Variants in GAREM1 observed in about 807,000 individuals in gnomAD.
GAREM1 encodes the protein GRB2-associated and regulator of MAPK protein 1.
A neutral mutation model predicts 71.3 loss-of-function variants in GAREM1; 26 were observed. That is an observed-to-expected ratio of 0.36 (90% CI 0.27 to 0.51). The LOEUF (loss-of-function observed/expected upper bound fraction) is 0.51. Among genes scored for constraint, GAREM1 ranks in the 20% least tolerant of loss-of-function variants. The pLI, the probability that GAREM1 is intolerant of heterozygous loss-of-function variation, is 0.95. For missense variants in GAREM1, 1,026 were observed against 1,103.1 expected (o/e 0.93, Z 0.99); for synonymous variants, 440 against 433.2 (o/e 1.02, Z -0.20).
At chr18:32,356,538 T>C (rs2047807515) in intron 2 of GAREM1, among the ~76,000 whole-genome samples, 1 of 152,220 alleles carries the variant, frequency 6.6e-6, no homozygotes, top group South Asian at 2.1e-4. Context: ...TTTAATGTCC[T>C]AAATACATAA....
Position 32,330,672 on chromosome 18 carries a change from G to C in GAREM1, c.263-20349C>G, listed in dbSNP as rs1258026329. Among the ~76,000 whole-genome samples, 6 of 127,366 alleles carry C rather than the reference G, an allele frequency of 4.7e-5. No homozygotes were observed. The Admixed American group carries it at 4.9e-4, about 10-fold the overall frequency. The allele number at this position is 127,366 out of a possible 152,430, so 83.6% of individuals were successfully genotyped here. On this transcript the variant is annotated intron_variant, in intron 2 of 5. Transcript: ENST00000269209. ...AGAAAAACAGAGCCAAAGAAAAAAGGCACAATAAATACATTTAAATGGGAG... is the reference window on the plus strand; with the variant it reads ...AGAAAAACAGAGCCAAAGAAAAAAGCCACAATAAATACATTTAAATGGGAG...
At chr18:32,322,112 T>A (rs1378147122) in intron 2 of GAREM1, among the ~76,000 whole-genome samples, 1 of 152,180 alleles carries the variant, frequency 6.6e-6, no homozygotes, top group Non-Finnish European at 1.5e-5. Context: ...GTGATTTTTT[T>A]AAGGGAGGAA....
At position 32,287,470 on chromosome 18, in the gene GAREM1, C is replaced by T. The variant is rs1464040325; in HGVS notation, c.1127G>A (p.Arg376His). The T allele has an allele frequency of 6.2e-6, 10 of 1,614,196 alleles. No homozygotes were observed. Among genetic ancestry groups the T allele is most frequent in the Middle Eastern group, 1.6e-4 (1 of 6,062 alleles). Residue 376 changes from arginine to histidine, a missense_variant, in exon 4 of 6, where the codon CGC becomes CAC. Transcript: ENST00000269209. The surrounding 1 kb of genome is among the most constrained non-coding windows in gnomAD (Gnocchi z 5.9). ...GTGGAAGGACTGGGTGAGCTCATCGCGGGCGTAGCTGAGCGAATTGGGCAC... is the reference window on the plus strand; with the variant it reads ...GTGGAAGGACTGGGTGAGCTCATCGTGGGCGTAGCTGAGCGAATTGGGCAC... Reference protein sequence around the residue: ...NHVPNSLSYARDELTQSFHRL... With the variant: ...NHVPNSLSYAHDELTQSFHRL...
At chr18:32,442,688 C>T (rs2048750117) in intron 1 of GAREM1, among the ~76,000 whole-genome samples, 1 of 152,100 alleles carries the variant, frequency 6.6e-6, no homozygotes, top group African/African-American at 2.4e-5. Flanking sequence ...TCCCAAGTCA[C>T]CTGCATGTCT....
intron 2 of GAREM1, among the ~76,000 whole-genome samples, chr18:32,328,764 C>T (rs1464245374): frequency 1.3e-5 from 2 of 152,070 alleles, no homozygotes; most frequent in Non-Finnish European, 2.9e-5. Flanking sequence ...CACTTAGGGG[C>T]AGGGAAGGAC....
chr18:32,408,626 A>C (rs2048387506), intron 1 of GAREM1, among the ~76,000 whole-genome samples: 1 of 152,146 alleles, frequency 6.6e-6, no homozygotes, highest in Non-Finnish European at 1.5e-5. Context: ...TATCCATTTG[A>C]CCATTGTTAA....
At chr18:32,431,666 C>T (rs1240337388) in intron 1 of GAREM1, among the ~76,000 whole-genome samples, 4 of 152,050 alleles carry the variant, frequency 2.6e-5, no homozygotes, top group Admixed American at 2.6e-4. Flanking sequence ...TGGCTAAAAA[C>T]TCTAGAAATC....
At position 32,266,688 on chromosome 18, in the gene GAREM1, T is replaced by G. The variant is rs754610777; in HGVS notation, c.*1183A>C. 9.2e-5 allele frequency: 14 copies of G among 152,182 alleles called. No individual in the cohort carries two copies. Among genetic ancestry groups the G allele is most frequent in the Non-Finnish European group, 1.9e-4 (13 of 68,034 alleles). 9.4% of individuals were successfully genotyped at this position (152,182 alleles called of 1,614,324 possible). The stretch of plus-strand genomic sequence containing the variant: ...TGGTATTTTAAAAATACTCAACAGA[T>G]GTAGCATATATAATAATAAAGGCCG... On this transcript the variant is annotated 3_prime_UTR_variant, in exon 6 of 6. Coordinates refer to ENST00000269209, the MANE Select transcript of GAREM1 (RefSeq NM_001242409.2).
chr18:32,443,962 CT>C (rs2048764655), intron 1 of GAREM1, among the ~76,000 whole-genome samples: 1 of 152,136 alleles, frequency 6.6e-6, no homozygotes, highest in Non-Finnish European at 1.5e-5. Context: ...TGGAAACATC[CT>C]ACGACATGAT....
At chr18:32,326,279 T>A (rs1231978713) in intron 2 of GAREM1, among the ~76,000 whole-genome samples, 1 of 152,216 alleles carries the variant, frequency 6.6e-6, no homozygotes, top group East Asian at 1.9e-4. Context: ...ACAAGCTACC[T>A]ACTAAACTCT....
intron 1 of GAREM1, among the ~76,000 whole-genome samples, chr18:32,461,360 C>T (rs1047801242): frequency 6.6e-6 from 1 of 152,100 alleles, no homozygotes; most frequent in South Asian, 2.1e-4. Context: ...AGTAGGGGTA[C>T]AGCAGGGTGG....
chr18:32,317,880 A>C (rs562988735), intron 2 of GAREM1, among the ~76,000 whole-genome samples: 4 of 152,152 alleles, frequency 2.6e-5, no homozygotes, highest in African/African-American at 9.7e-5. Context: ...AAGTGAAATC[A>C]ATTTACATGA....
At chr18:32,285,908 G>A (rs1294586414) in intron 4 of GAREM1, among the ~76,000 whole-genome samples, 1 of 152,132 alleles carries the variant, frequency 6.6e-6, no homozygotes, top group Non-Finnish European at 1.5e-5. Flanking sequence ...ACCCGGTAGG[G>A]GCAAAGAGTG....
rs2047303236 is a variant in GAREM1, at chr18:32,310,187, T to G, written c.393+6A>C. On this transcript the variant is annotated splice_donor_region_variant and intron_variant, in intron 3 of 5. Transcript: ENST00000269209. Reference sequence around the variant, plus strand: ...TATAAATATTTGGTGCTTCAAGAGCTACTACCTTCACGTTGAATGTGATAT... The same window carrying G: ...TATAAATATTTGGTGCTTCAAGAGCGACTACCTTCACGTTGAATGTGATAT... 6.2e-7 allele frequency: 1 copy of G among 1,613,700 alleles called. No homozygotes were observed. Among genetic ancestry groups the G allele is most frequent in the African/African-American group, 1.3e-5 (1 of 74,928 alleles).
intron 1 of GAREM1, among the ~76,000 whole-genome samples, chr18:32,438,365 T>G (rs2048700805): frequency 6.6e-6 from 1 of 152,212 alleles, no homozygotes; most frequent in Admixed American, 6.5e-5. Flanking sequence ...TTTCCTCACC[T>G]TGGCCATCTG....
chr18:32,375,924 C>T (rs2048026431), intron 2 of GAREM1, among the ~76,000 whole-genome samples: 1 of 152,114 alleles, frequency 6.6e-6, no homozygotes, highest in African/African-American at 2.4e-5. Context: ...CACTGCTGTG[C>T]AGCCACAAGT....
intron 2 of GAREM1, among the ~76,000 whole-genome samples, chr18:32,377,650 G>A (rs2048044734): frequency 6.6e-6 from 1 of 152,144 alleles, no homozygotes; most frequent in South Asian, 2.1e-4. Context: ...TGCAACCTCT[G>A]CCTCCCAGGT....
At chr18:32,272,049 A>C (rs1567942863) in intron 4 of GAREM1, among the ~76,000 whole-genome samples, 1 of 152,118 alleles carries the variant, frequency 6.6e-6, no homozygotes, top group African/African-American at 2.4e-5. Flanking sequence ...CTTCACTTTC[A>C]ATTCCTTTCT....
At chr18:32,364,029 T>TATATATG (rs1491185711) in intron 2 of GAREM1, among the ~76,000 whole-genome samples, 11 of 41,170 alleles carry the variant, frequency 2.7e-4, no homozygotes, top group Non-Finnish European at 3.8e-4. Flanking sequence ...TATATATATG[T>TATATATG]TTTTTTTTTT....
Sources: allele counts gnomAD v4.1 joint callset (sites outside exome capture counted in the v4.1 genomes callset), GRCh38; gene constraint gnomAD v4.1.1; non-coding constraint Gnocchi (gnomAD v3.1); transcripts MANE v1.5; gene names NCBI Gene and HGNC (gene_info 2026-07-23, HGNC 2026-07-21).